The following LRFN5 variants were observed in gnomAD, a reference collection of about 807,000 sequenced individuals.
The protein encoded by LRFN5 is leucine rich repeat and fibronectin type III domain containing 5, also known as leucine-rich repeat and fibronectin type-III domain-containing protein 5.
A neutral mutation model predicts 45.6 loss-of-function variants in LRFN5; 24 were observed. The observed-to-expected ratio is 0.53, with a 90% CI of 0.38 to 0.74. LRFN5 has a LOEUF of 0.74. Ranked by LOEUF, LRFN5 falls within the 30% of genes least tolerant of loss-of-function variation. The pLI, the probability that LRFN5 is intolerant of heterozygous loss-of-function variation, is 0.00. For missense variants in LRFN5, 776 were observed against 861.5 expected (o/e 0.90, Z 1.24); for synonymous variants, 340 against 313.8 (o/e 1.08, Z -0.88).
intron 1 of LRFN5, among the ~76,000 whole-genome samples, chr14:41,643,608 A>G (rs774056413): frequency 3.9e-4 from 59 of 152,032 alleles, no homozygotes; most frequent in Non-Finnish European, 2.5e-4. Context: ...AAAAAAGGCA[A>G]ATTCGATAAC....
At chr14:41,710,300 A>C (rs901001961) in intron 1 of LRFN5, among the ~76,000 whole-genome samples, 1 of 152,158 alleles carries the variant, frequency 6.6e-6, no homozygotes, top group Non-Finnish European at 1.5e-5. Flanking sequence ...AAGGACTTCA[A>C]ATTAATGAAA....
intron 2 of LRFN5, among the ~76,000 whole-genome samples, chr14:41,837,207 A>G (rs5010771): frequency 2.0e-5 from 3 of 150,652 alleles, no homozygotes; most frequent in African/African-American, 5.0e-5. Flanking sequence ...AAAAAAAAAA[A>G]AAAAAAAAAA....
At chr14:41,836,531 C>A (rs145709565) in intron 2 of LRFN5, among the ~76,000 whole-genome samples, 1 of 152,014 alleles carries the variant, frequency 6.6e-6, no homozygotes, top group African/African-American at 2.4e-5. Flanking sequence ...TGTTATAGGA[C>A]GCTATAAGTA....
chr14:41,710,524 A>T (rs540888470), intron 1 of LRFN5, among the ~76,000 whole-genome samples: 1 of 152,258 alleles, frequency 6.6e-6, no homozygotes, highest in East Asian at 1.9e-4. Context: ...TTATGAAGAT[A>T]ATAGTAGTTC....
At position 41,747,938 on chromosome 14, in the gene LRFN5, T is replaced by A. The variant is rs571415560; in HGVS notation, c.-196-18916T>A. 2.0e-5 allele frequency among the ~76,000 whole-genome samples: 3 copies of A among 151,984 alleles called. No individual in the cohort carries two copies. The South Asian group carries it at 6.2e-4, about 32-fold the overall frequency. ...ATCAACAGTTTTAGGAAAATGCAAA[T>A]CAAAACTGCCATGTAATACTACTTC... On this transcript the variant is annotated intron_variant, in intron 1 of 5. Transcript: ENST00000298119.
At chr14:41,789,981 TTCTGAG>T (rs1886862337) in intron 2 of LRFN5, among the ~76,000 whole-genome samples, 1 of 151,962 alleles carries the variant, frequency 6.6e-6, no homozygotes. Flanking sequence ...CTTTCCCCTT[TTCTGAG>T]TCTTTAGGAG....
chr14:41,828,731 A>G (rs1594445665), intron 2 of LRFN5, among the ~76,000 whole-genome samples: 1 of 152,022 alleles, frequency 6.6e-6, no homozygotes, highest in African/African-American at 2.4e-5. Context: ...ACACTGTGAT[A>G]GTCAGGGACA....
In LRFN5 at chr14:41,607,534, TGCGCGCGCGTGTGTAC is replaced by T. The variant is rs1566584938; in HGVS notation, c.-1216_-1201del. ...CTTTCCAGCTAGCTGCGTGTGTGTGTGCGCGCGCGTGTGTACGCGCGCGCCTATCTGATGCATTTGA... is the reference window on the plus strand; with the variant it reads ...CTTTCCAGCTAGCTGCGTGTGTGTGTGCGCGCGCCTATCTGATGCATTTGA... On this transcript the variant is annotated 5_prime_UTR_variant, in exon 1 of 6. Coordinates refer to ENST00000298119, the MANE Select transcript of LRFN5 (RefSeq NM_152447.5). The T allele has an allele frequency of 3.3e-5, 5 of 152,304 alleles. No individual in the cohort carries two copies. In the South Asian group the frequency reaches 1.0e-3, roughly 32 times the overall value. 9.4% of individuals were successfully genotyped at this position (152,304 alleles called of 1,614,324 possible).
chr14:41,611,658 G>C (rs890535352), intron 1 of LRFN5, among the ~76,000 whole-genome samples: 2 of 152,174 alleles, frequency 1.3e-5, no homozygotes, highest in Non-Finnish European at 2.9e-5. Context: ...TTCAAGAGGA[G>C]AATGACCTTG....
At chr14:41,679,385 G>C (rs1881783661) in intron 1 of LRFN5, among the ~76,000 whole-genome samples, 1 of 152,104 alleles carries the variant, frequency 6.6e-6, no homozygotes, top group African/African-American at 2.4e-5. Context: ...GAAGAGTAAA[G>C]AGGATTTGTC....
At chr14:41,703,325 T>A (rs980008691) in intron 1 of LRFN5, among the ~76,000 whole-genome samples, 1 of 152,170 alleles carries the variant, frequency 6.6e-6, no homozygotes, top group African/African-American at 2.4e-5. Flanking sequence ...AGCTTTTTTT[T>A]CTTGGAAGAG....
At chr14:41,660,484 T>A (rs1046316042) in intron 1 of LRFN5, among the ~76,000 whole-genome samples, 13 of 152,254 alleles carry the variant, frequency 8.5e-5, no homozygotes, top group African/African-American at 2.6e-4. Context: ...TTAGAAAACA[T>A]GCTGTTGTTG....
chr14:41,685,097 G>A (rs1186291004), intron 1 of LRFN5, among the ~76,000 whole-genome samples: 1 of 152,126 alleles, frequency 6.6e-6, no homozygotes, highest in Non-Finnish European at 1.5e-5. Context: ...GAACTACAAT[G>A]AGATACTATC....
chr14:41,844,476 C>T (rs1360158100), intron 2 of LRFN5, among the ~76,000 whole-genome samples: 1 of 151,614 alleles, frequency 6.6e-6, no homozygotes, highest in Non-Finnish European at 1.5e-5. Flanking sequence ...GTATAATTTA[C>T]ACTGATTTTG....
chr14:41,732,409 C>T (rs758586484), intron 1 of LRFN5, among the ~76,000 whole-genome samples: 30 of 152,092 alleles, frequency 2.0e-4, no homozygotes, highest in Non-Finnish European at 1.2e-4. Context: ...GCCTTTGTCT[C>T]ATTTTGGGAG....
At chr14:41,812,615 A>G (rs1666558496) in intron 2 of LRFN5, among the ~76,000 whole-genome samples, 3 of 151,814 alleles carry the variant, frequency 2.0e-5, no homozygotes, top group Non-Finnish European at 4.4e-5. Flanking sequence ...ATATATATAT[A>G]TAAATTATTG....
At chr14:41,645,035 C>T (rs978462282) in intron 1 of LRFN5, among the ~76,000 whole-genome samples, 1 of 152,208 alleles carries the variant, frequency 6.6e-6, no homozygotes, top group Non-Finnish European at 1.5e-5. Flanking sequence ...ATTAGTCCAA[C>T]TGGGCCTGTG....
chr14:41,820,978 A>G (rs1318763159), intron 2 of LRFN5, among the ~76,000 whole-genome samples: 3 of 151,960 alleles, frequency 2.0e-5, no homozygotes, highest in Non-Finnish European at 4.4e-5. Context: ...ATAGAACTTA[A>G]TTAAGTCAAT....
At chr14:41,821,494 A>G (rs750522861) in intron 2 of LRFN5, among the ~76,000 whole-genome samples, 2 of 151,916 alleles carry the variant, frequency 1.3e-5, no homozygotes, top group African/African-American at 2.4e-5. Flanking sequence ...TGATTATAAT[A>G]TAATAACTTT....
Sources: allele counts gnomAD v4.1 joint callset (sites outside exome capture counted in the v4.1 genomes callset), GRCh38; gene constraint gnomAD v4.1.1; transcripts MANE v1.5; gene names NCBI Gene and HGNC (gene_info 2026-07-23, HGNC 2026-07-21).